The following NPAS3 variants were observed in gnomAD, a reference collection of about 807,000 sequenced individuals.
NPAS3 encodes neuronal PAS domain-containing protein 3.
Under a neutral mutation model 73.1 loss-of-function variants are expected in NPAS3, and 14 were observed. That is an observed-to-expected ratio of 0.19 (90% CI 0.13 to 0.30). NPAS3 has a LOEUF of 0.30. Among genes scored for constraint, NPAS3 ranks in the 10% least tolerant of loss-of-function variants. The probability of loss-of-function intolerance (pLI) is 1.00; values close to 1 mark genes in which losing one functional copy is unlikely to be tolerated. For synonymous variants in NPAS3, 620 were observed against 541.5 expected, an observed-to-expected ratio of 1.14 and a Z score of -2.01; for missense variants, 1,096 against 1,250.0, an observed-to-expected ratio of 0.88 and a Z score of 1.86.
At chr14:33,423,418 A>G (rs567868377) in intron 4 of NPAS3, among the ~76,000 whole-genome samples, 1 of 152,024 alleles carries the variant, frequency 6.6e-6, no homozygotes, top group Non-Finnish European at 1.5e-5. Context: ...TTACCCAAAT[A>G]TACCTTGCTA....
chr14:33,335,586 T>A (rs1167711859), intron 3 of NPAS3, among the ~76,000 whole-genome samples: 1 of 152,200 alleles, frequency 6.6e-6, no homozygotes, highest in African/African-American at 2.4e-5. Context: ...GACCCATTAA[T>A]CCCCTGGTCA....
At chr14:33,580,631 C>T (rs1467682252) in intron 5 of NPAS3, among the ~76,000 whole-genome samples, 1 of 152,142 alleles carries the variant, frequency 6.6e-6, no homozygotes, top group Non-Finnish European at 1.5e-5. Context: ...TTCTTTACAA[C>T]TGAGGAAATA....
In NPAS3 at chr14:33,071,464, C is replaced by T. The variant is rs78381650; in HGVS notation, c.140+15470C>T. 5.0e-3 allele frequency among the ~76,000 whole-genome samples: 755 copies of T among 152,110 alleles called. 4 individuals carry two copies. Among genetic ancestry groups the T allele is most frequent in the African/African-American group, 0.016 (676 of 41,484 alleles). ...TTTTAATTGAGACTTTTAATCATAC[C>T]GAGCTATAGAAATAATATTCAGATA... is the stretch of plus-strand genomic sequence containing the variant. On this transcript the variant is annotated intron_variant, in intron 2 of 11. Transcript: ENST00000356141.
intron 2 of NPAS3, among the ~76,000 whole-genome samples, chr14:33,062,753 C>T (rs892671053): frequency 6.6e-6 from 1 of 152,200 alleles, no homozygotes; most frequent in Non-Finnish European, 1.5e-5. Context: ...GTTCAAAAAT[C>T]GCTAACAGGT....
At chr14:33,334,343 A>G (rs974120430) in intron 3 of NPAS3, among the ~76,000 whole-genome samples, 6 of 152,156 alleles carry the variant, frequency 3.9e-5, no homozygotes, top group African/African-American at 7.2e-5. Context: ...CACTTCCATC[A>G]TCATATAAAG....
At chr14:33,052,427 C>G (rs1014935168) in intron 1 of NPAS3, among the ~76,000 whole-genome samples, 2 of 152,138 alleles carry the variant, frequency 1.3e-5, no homozygotes, top group Non-Finnish European at 2.9e-5. Context: ...ATGAGAGAAA[C>G]TGCCCAAGTC....
intron 3 of NPAS3, among the ~76,000 whole-genome samples, chr14:33,325,686 T>C (rs935717426): frequency 8.0e-5 from 12 of 149,490 alleles, no homozygotes; most frequent in Non-Finnish European, 1.3e-4. Flanking sequence ...TTGACTATAG[T>C]CACCCTGTTG....
intron 2 of NPAS3, among the ~76,000 whole-genome samples, chr14:33,169,310 G>A (rs1240279185): frequency 3.9e-5 from 6 of 152,160 alleles, no homozygotes; most frequent in Non-Finnish European, 7.3e-5. Flanking sequence ...GCTCATGCCT[G>A]TAATCCCAGC....
intron 9 of NPAS3, among the ~76,000 whole-genome samples, chr14:33,781,179 T>C (rs770393684): frequency 6.6e-6 from 1 of 152,206 alleles, no homozygotes; most frequent in Non-Finnish European, 1.5e-5. Flanking sequence ...CCTAATCAGA[T>C]TGAAATTTCA....
chr14:32,953,359 T>C (rs1566794682), intron 1 of NPAS3, among the ~76,000 whole-genome samples: 1 of 152,122 alleles, frequency 6.6e-6, no homozygotes, highest in Non-Finnish European at 1.5e-5. Flanking sequence ...AACACCAAGC[T>C]GTATCCTGCT....
intron 3 of NPAS3, among the ~76,000 whole-genome samples, chr14:33,333,430 A>G (rs192338063): frequency 1.3e-5 from 2 of 152,304 alleles, no homozygotes. Flanking sequence ...CTATATTGTT[A>G]TATTTAGTTC....
intron 6 of NPAS3, among the ~76,000 whole-genome samples, chr14:33,721,996 C>T (rs1041912085): frequency 6.6e-6 from 1 of 152,160 alleles, no homozygotes; most frequent in Non-Finnish European, 1.5e-5. Flanking sequence ...ACCATAAATA[C>T]CTGGAGTCCC....
At chr14:33,742,194 T>A (rs2061672488) in intron 7 of NPAS3, among the ~76,000 whole-genome samples, 1 of 152,158 alleles carries the variant, frequency 6.6e-6, no homozygotes, top group South Asian at 2.1e-4. Context: ...TTTGCACTCT[T>A]TAACATGCTG....
At chr14:32,968,666 C>A (rs1417372466) in intron 1 of NPAS3, among the ~76,000 whole-genome samples, 5 of 152,074 alleles carry the variant, frequency 3.3e-5, no homozygotes, top group South Asian at 2.1e-4. Flanking sequence ...CTAACACAAT[C>A]TCTGAGGGGC....
At chr14:33,479,116 C>T (rs1258049025) in intron 4 of NPAS3, among the ~76,000 whole-genome samples, 1 of 152,150 alleles carries the variant, frequency 6.6e-6, no homozygotes, top group Non-Finnish European at 1.5e-5. Context: ...AGTTAAAGCA[C>T]GACATTATTG....
At chr14:33,252,640 A>AT (rs11431774) in intron 3 of NPAS3, among the ~76,000 whole-genome samples, 40,336 of 148,430 alleles carry the variant, frequency 0.27, 5,629 homozygotes, top group Non-Finnish European at 0.33. Context: ...ATAGTTATCT[A>AT]TTTTTTTTTT....
intron 5 of NPAS3, chr14:33,582,246 G>GA (rs961290592): frequency 6.6e-6 from 1 of 152,064 alleles, no homozygotes; most frequent in Non-Finnish European, 1.5e-5. Context: ...TTTATGTTTA[G>GA]AAAAAAATTT....
In NPAS3 at chr14:33,203,739, T is replaced by C. The variant is rs545362068; in HGVS notation, c.141-11443T>C. Among the ~76,000 whole-genome samples the C allele has an allele frequency of 2.8e-4, 43 of 152,348 alleles. No homozygotes were observed. In the South Asian group the frequency reaches 6.6e-3, roughly 23 times the overall value. ...TTCTGTCATTGTTGGACATTTGGGT[T>C]GGTTCCAAGTCTTTCCTATTGTGAA... On this transcript the variant is annotated intron_variant, in intron 2 of 11. Coordinates refer to ENST00000356141, the Ensembl canonical transcript of NPAS3.
intron 2 of NPAS3, among the ~76,000 whole-genome samples, chr14:33,171,249 A>G (rs2045376959): frequency 6.6e-6 from 1 of 152,302 alleles, no homozygotes; most frequent in Middle Eastern, 3.4e-3. Flanking sequence ...TAACATATTC[A>G]ATAAACCATG....
Sources: allele counts gnomAD v4.1 joint callset (sites outside exome capture counted in the v4.1 genomes callset), GRCh38; gene constraint gnomAD v4.1.1; transcripts MANE v1.5; gene names NCBI Gene and HGNC (gene_info 2026-07-23, HGNC 2026-07-21).